Variants in HDAC9 observed in about 807,000 individuals in gnomAD.
The protein encoded by HDAC9 is histone deacetylase 9, also known as MEF-2 interacting transcription repressor (MITR) protein.
HDAC9 carries 41 observed loss-of-function variants against 139.4 expected under a neutral mutation model. The ratio of observed to expected loss-of-function variants is 0.29; its 90% CI spans 0.23 to 0.38. The LOEUF (loss-of-function observed/expected upper bound fraction) is 0.38. HDAC9 is among the 10% of genes least tolerant of loss of function. The pLI, the probability that HDAC9 is intolerant of heterozygous loss-of-function variation, is 1.00. For missense variants in HDAC9, 1,147 were observed against 1,297.0 expected (o/e 0.88, Z 1.78); for synonymous variants, 517 against 476.2 (o/e 1.09, Z -1.12).
chr7:18,680,562 G>A (rs1467805764), intron 12 of HDAC9, among the ~76,000 whole-genome samples: 3 of 151,952 alleles, frequency 2.0e-5, no homozygotes, highest in Non-Finnish European at 4.4e-5. Context: ...TTCAAGTTCA[G>A]GCCCAGGGAG....
intron 1 of HDAC9, among the ~76,000 whole-genome samples, chr7:18,308,434 A>G (rs990678107): frequency 2.1e-4 from 32 of 152,216 alleles, no homozygotes; most frequent in African/African-American, 7.7e-4. Context: ...GGCACTTCAT[A>G]GCCTAATCAT....
chr7:18,588,686 T>C (rs566280603), intron 3 of HDAC9, among the ~76,000 whole-genome samples: 2 of 152,054 alleles, frequency 1.3e-5, no homozygotes, highest in South Asian at 4.1e-4. Context: ...ACACACACCA[T>C]TTTGTTATCT....
chr7:18,961,401 G>C (rs1386558745), intron 24 of HDAC9, among the ~76,000 whole-genome samples: 1 of 152,148 alleles, frequency 6.6e-6, no homozygotes, highest in Non-Finnish European at 1.5e-5. Context: ...TTCTGGCTTG[G>C]AAAACTGAGA....
chr7:18,159,053 A>G (rs558765157), intron 1 of HDAC9, among the ~76,000 whole-genome samples: 1 of 152,324 alleles, frequency 6.6e-6, no homozygotes, highest in East Asian at 1.9e-4. Context: ...CAAAATAACC[A>G]TTCCTGGATC....
chr7:18,890,339 C>T (rs563600149), intron 22 of HDAC9, among the ~76,000 whole-genome samples: 1 of 152,254 alleles, frequency 6.6e-6, no homozygotes, highest in East Asian at 1.9e-4. Flanking sequence ...TGCTTCAAAC[C>T]ACCTAACAGA....
At chr7:18,869,381 G>C (rs1409283137) in intron 21 of HDAC9, among the ~76,000 whole-genome samples, 6 of 151,920 alleles carry the variant, frequency 3.9e-5, no homozygotes, top group Non-Finnish European at 5.9e-5. Flanking sequence ...CATGAAATCT[G>C]GTTGTTTAAA....
rs1799165901 is a variant in HDAC9, at chr7:18,874,416, T to C, written c.2685-62T>C. On this transcript the variant is annotated intron_variant, in intron 21 of 25. Coordinates refer to ENST00000686413, the MANE Select transcript of HDAC9 (RefSeq NM_178425.4). ...TATTGTTGTGCCAGGTCGTTTTCAC[T>C]GAACGATTTTTAAAGGTATTCACCA... is the stretch of plus-strand genomic sequence containing the variant. 8 of 1,034,962 alleles carry C rather than the reference T, an allele frequency of 7.7e-6. No homozygotes were observed. In the South Asian group the frequency reaches 8.8e-5, roughly 11 times the overall value. 64.1% of individuals were successfully genotyped at this position (1,034,962 alleles called of 1,614,324 possible).
intron 2 of HDAC9, among the ~76,000 whole-genome samples, chr7:18,228,636 A>G (rs574498371): frequency 6.0e-4 from 92 of 152,222 alleles, no homozygotes; most frequent in African/African-American, 1.9e-3. Flanking sequence ...TTAGCATTAT[A>G]TATATGTATT....
chr7:18,822,521 A>AT (rs1217694113), intron 17 of HDAC9, among the ~76,000 whole-genome samples: 1 of 151,760 alleles, frequency 6.6e-6, no homozygotes, highest in Non-Finnish European at 1.5e-5. Flanking sequence ...CACCTGGCTC[A>AT]TTTTTGTGTT....
At chr7:18,889,547 T>G (rs999807485) in intron 22 of HDAC9, among the ~76,000 whole-genome samples, 11 of 152,222 alleles carry the variant, frequency 7.2e-5, no homozygotes, top group Non-Finnish European at 1.3e-4. Flanking sequence ...ATTTTCATAA[T>G]AAGCATCCAT....
At chr7:18,261,998 A>G (rs1795711817) in intron 2 of HDAC9, among the ~76,000 whole-genome samples, 2 of 152,220 alleles carry the variant, frequency 1.3e-5, no homozygotes, top group African/African-American at 4.8e-5. Flanking sequence ...CCTAGCAAAG[A>G]TATATCAAAT....
intron 1 of HDAC9, among the ~76,000 whole-genome samples, chr7:18,397,501 T>G (rs573240355): frequency 2.0e-5 from 3 of 152,206 alleles, no homozygotes; most frequent in South Asian, 2.1e-4. Context: ...ATTCACTGTT[T>G]TAGGAAAATG....
intron 17 of HDAC9, chr7:18,808,237 T>G (rs75345120): frequency 3.9e-5 from 6 of 152,184 alleles, no homozygotes; most frequent in Non-Finnish European, 5.9e-5. Flanking sequence ...ACCCTGGTGA[T>G]GAATGAGTTG....
chr7:18,251,271 C>A (rs949587247), intron 2 of HDAC9, among the ~76,000 whole-genome samples: 1 of 152,132 alleles, frequency 6.6e-6, no homozygotes, highest in Non-Finnish European at 1.5e-5. Context: ...AAATTAAACA[C>A]CGCATGTTCT....
At chr7:18,415,875 G>C (rs1026745587) in intron 1 of HDAC9, among the ~76,000 whole-genome samples, 2 of 151,970 alleles carry the variant, frequency 1.3e-5, no homozygotes, top group African/African-American at 4.8e-5. Flanking sequence ...TTTAGTTATA[G>C]GGAATTGCAC....
chr7:18,281,489 C>A (rs536290968), intron 2 of HDAC9, among the ~76,000 whole-genome samples: 1 of 152,198 alleles, frequency 6.6e-6, no homozygotes, highest in Non-Finnish European at 1.5e-5. Context: ...GAAACCACTT[C>A]TTTAATTGAT....
At chr7:18,478,904 T>C (rs1795332863) in intron 1 of HDAC9, among the ~76,000 whole-genome samples, 1 of 152,196 alleles carries the variant, frequency 6.6e-6, no homozygotes, top group South Asian at 2.1e-4. Flanking sequence ...ATATTTCATA[T>C]GTGGATTGGA....
At chr7:18,950,927 A>G (rs938120903) in intron 23 of HDAC9, among the ~76,000 whole-genome samples, 1 of 152,034 alleles carries the variant, frequency 6.6e-6, no homozygotes, top group African/African-American at 2.4e-5. Flanking sequence ...TGATTGATGT[A>G]TACATCCATC....
intron 2 of HDAC9, among the ~76,000 whole-genome samples, chr7:18,182,109 G>C (rs948048578): frequency 2.4e-4 from 37 of 152,286 alleles, no homozygotes; most frequent in African/African-American, 8.9e-4. Flanking sequence ...CAGGAGCCAA[G>C]ATCTAGGCAC....
Sources: gnomAD v4.1 joint callset for allele counts (sites outside exome capture counted in the v4.1 genomes callset) on GRCh38, gnomAD v4.1.1 for gene constraint, MANE v1.5 for transcripts, NCBI Gene and HGNC (gene_info 2026-07-23, HGNC 2026-07-21) for gene names.